Variants in P2RX6 observed in about 807,000 individuals in gnomAD.
P2RX6 encodes the protein purinergic receptor P2X 6.
In P2RX6, 62 loss-of-function variants were observed where a neutral mutation model predicts 54.2. The ratio of observed to expected loss-of-function variants is 1.14; its 90% CI spans 0.93 to 1.41. The LOEUF (loss-of-function observed/expected upper bound fraction) is 1.41. P2RX6 is among the 40% of genes most tolerant of loss of function. The pLI is 0.00. For synonymous variants in P2RX6, 211 were observed against 231.9 expected, an observed-to-expected ratio of 0.91 and a Z score of 0.82; for missense variants, 541 against 566.3, an observed-to-expected ratio of 0.96 and a Z score of 0.45.
intron 8 of P2RX6, 98 bp from the exon 9 acceptor site, chr22:21,025,707 T>G: frequency 1.2e-6 from 1 of 836,566 alleles, no homozygotes; most frequent in East Asian, 2.7e-5. Context: ...GCTGGGGGTT[T>G]ATAGAGTCAA....
At chr22:21,020,333 A>C (rs1464494166) in intron 3 of P2RX6, among the ~76,000 whole-genome samples, 1 of 152,176 alleles carries the variant, frequency 6.6e-6, no homozygotes, top group Non-Finnish European at 1.5e-5. Context: ...GAGTTCTGCC[A>C]GCTCCTCTAG....
intron 8 of P2RX6, among the ~76,000 whole-genome samples, chr22:21,025,547 C>T (rs1220009442): frequency 1.3e-5 from 2 of 152,224 alleles, no homozygotes; most frequent in Admixed American, 6.5e-5. Flanking sequence ...TGAGCCTGCC[C>T]CTTCACATCC....
chr22:21,025,921 C>T, intron 9 of P2RX6, 23 bp downstream of exon 9: 1 of 1,579,336 alleles, frequency 6.3e-7, no homozygotes, highest in Non-Finnish European at 8.6e-7. Context: ...AGGGGTCAGG[C>T]CGGGGATGGG....
Position 21,026,565 on chromosome 22 carries a change from G to A in P2RX6, c.1274G>A (p.Trp425Ter). Residue 425 changes from tryptophan (W) to a stop codon, truncating the protein, a stop_gained, in exon 12 of 12, where the codon TGG becomes TAG. Coordinates refer to ENST00000413302, the MANE Select transcript of P2RX6 (RefSeq NM_005446.5). LOFTEE classifies it high-confidence loss of function. The surrounding 1 kb of genome is among the most constrained non-coding windows in gnomAD (Gnocchi z 4.0). ...GGGAGTCAGACACAGACACCAGGATGGCCCTGTCCAAGTTCTGACACCCAC... is the reference window on the plus strand; with the variant it reads ...GGGAGTCAGACACAGACACCAGGATAGCCCTGTCCAAGTTCTGACACCCAC... ...AAGSQTQTPG[W>*]PCPSSDTHLP... The A allele has an allele frequency of 6.3e-7, 1 of 1,591,280 alleles. No homozygotes were observed. The highest frequency in any genetic ancestry group is 8.5e-7 in the Non-Finnish European group (1 of 1,169,840).
At position 21,018,215 on chromosome 22, in the gene P2RX6, A is replaced by T. The variant is rs571256650; in HGVS notation, c.387+155A>T. On this transcript the variant is annotated intron_variant, in intron 3 of 11. Transcript: ENST00000413302. ...GGGCTACATCTTTTCCTGAATCATTATGTTCAGTCTTCACATATCCCCTGC... is the reference window on the plus strand; with the variant it reads ...GGGCTACATCTTTTCCTGAATCATTTTGTTCAGTCTTCACATATCCCCTGC... 195 of 659,642 alleles carry T rather than the reference A, an allele frequency of 3.0e-4. No individual in the cohort carries two copies. In the South Asian group the frequency reaches 3.1e-3, roughly 11 times the overall value. 40.9% of individuals were successfully genotyped at this position (659,642 alleles called of 1,614,324 possible).
Position 21,026,677 on chromosome 22 carries a change from C to T in P2RX6, c.*60C>T. 6.6e-7 allele frequency: 1 copy of T among 1,523,054 alleles called. No individual in the cohort carries two copies. Among genetic ancestry groups the T allele is most frequent in the Non-Finnish European group, 8.8e-7 (1 of 1,131,236 alleles). The allele number at this position is 1,523,054 out of a possible 1,614,324, so 94.3% of individuals were successfully genotyped here. A position where few individuals can be genotyped will look rare whatever the true frequency, so the allele number is the denominator to read the frequency against. ...AGGGCGGGGCCCTGCCTGGGGATCT[C>T]AAGGATGAGGCCCCAGCATGGAGGA... On this transcript the variant is annotated 3_prime_UTR_variant, in exon 12 of 12. Coordinates refer to ENST00000413302, the MANE Select transcript of P2RX6 (RefSeq NM_005446.5). This position sits in a 1 kb window ranked among gnomAD's most constrained non-coding sequence, Gnocchi z 4.0.
chr22:21,025,502 A>G (rs1287970815), intron 8 of P2RX6, among the ~76,000 whole-genome samples: 1 of 152,128 alleles, frequency 6.6e-6, no homozygotes, highest in Non-Finnish European at 1.5e-5. Flanking sequence ...GTTCCCAGGG[A>G]AGAGTGAGTT....
In P2RX6 at chr22:21,026,133, G is replaced by A; in HGVS notation, c.1050+57G>A. 1 of 1,560,378 alleles carries A rather than the reference G, an allele frequency of 6.4e-7. No individual in the cohort carries two copies. Among genetic ancestry groups the A allele is most frequent in the Non-Finnish European group, 8.7e-7 (1 of 1,146,656 alleles). On this transcript the variant is annotated intron_variant, in intron 10 of 11. Transcript: ENST00000413302. The surrounding 1 kb of genome is among the most constrained non-coding windows in gnomAD (Gnocchi z 4.0). ...TGCAGTGAGTGCTGCTGACCAGGGT[G>A]TGTCCAATGCATGCTGGAGCCTCCG... is the stretch of plus-strand genomic sequence containing the variant.
intron 1 of P2RX6, 87 bp from the exon 2 acceptor site, chr22:21,015,855 G>C: frequency 7.3e-7 from 1 of 1,379,092 alleles, no homozygotes. Flanking sequence ...GTAGGGTGTG[G>C]GGGGAGAACT....
rs1302863918 is a variant in P2RX6, at chr22:21,025,832, G to A, written c.918G>A (p.Pro306=). ...FRTATHWWEQ[P]GVEARTLLKL... ...CAGCCACTCACTGGTGGGAGCAACCGGGTGTGGAGGCCCGCACCCTGCTCA... is the reference window on the plus strand; with the variant it reads ...CAGCCACTCACTGGTGGGAGCAACCAGGTGTGGAGGCCCGCACCCTGCTCA... Residue 306 remains proline (P), a synonymous_variant, in exon 9 of 12, where the codon CCG becomes CCA. Coordinates refer to ENST00000413302, the MANE Select transcript of P2RX6 (RefSeq NM_005446.5). 8 of 1,564,614 alleles carry A rather than the reference G, an allele frequency of 5.1e-6. No homozygotes were observed. In the South Asian group the frequency reaches 5.9e-5, roughly 12 times the overall value.
upstream of P2RX6, chr22:21,012,477 A>G: frequency 2.0e-6 from 1 of 493,788 alleles, no homozygotes; most frequent in Non-Finnish European, 3.9e-6. Flanking sequence ...CACATCCCTG[A>G]GGAAAGGGAG....
At chr22:21,019,578 T>C (rs1338230234) in intron 3 of P2RX6, among the ~76,000 whole-genome samples, 1 of 152,228 alleles carries the variant, frequency 6.6e-6, no homozygotes, top group Non-Finnish European at 1.5e-5. Context: ...CCTCTCAAAG[T>C]GCTGGGATTA....
At chr22:21,016,928 A>G (rs1007037257) in intron 2 of P2RX6, among the ~76,000 whole-genome samples, 8 of 151,898 alleles carry the variant, frequency 5.3e-5, no homozygotes, top group African/African-American at 1.9e-4. Context: ...AAGATCAATT[A>G]TTTTCCTCTC....
chr22:21,022,521 C>T (rs1159998951), intron 3 of P2RX6, among the ~76,000 whole-genome samples, 155 bp from the exon 4 acceptor site: 2 of 152,166 alleles, frequency 1.3e-5, no homozygotes, highest in Non-Finnish European at 2.9e-5. Context: ...CTGTGTGGCC[C>T]CACACTCAGG....
At position 21,026,829 on chromosome 22, in the gene P2RX6, C is replaced by G; in HGVS notation, c.*212C>G. On this transcript the variant is annotated 3_prime_UTR_variant, in exon 12 of 12. Transcript: ENST00000413302. The surrounding 1 kb of genome is among the most constrained non-coding windows in gnomAD (Gnocchi z 4.0). Reference sequence around the variant, plus strand: ...TTTGAGACGGCGACAGAACCTGACCCGTGGAGACTGGGAGAGCCCAGCAGG... The same window carrying G: ...TTTGAGACGGCGACAGAACCTGACCGGTGGAGACTGGGAGAGCCCAGCAGG... 4 of 1,025,614 alleles carry G rather than the reference C, an allele frequency of 3.9e-6. No individual in the cohort carries two copies. Among genetic ancestry groups the G allele is most frequent in the Non-Finnish European group, 4.1e-6 (3 of 728,784 alleles). 63.5% of individuals were successfully genotyped at this position (1,025,614 alleles called of 1,614,324 possible).
At position 21,023,170 on chromosome 22, in the gene P2RX6, G is replaced by A; in HGVS notation, c.610G>A (p.Val204Ile). The change falls in exon 6 of 12, where the codon GTC (valine) becomes ATC (isoleucine). Residue 204 changes from valine (V) to isoleucine (I), a missense_variant. Transcript: ENST00000413302. Reference sequence around the variant, plus strand: ...CTTCACACTGTTCATCAAAAACACAGTCACCTTCAGCAAGTTCAACTTCTC... The same window carrying A: ...CTTCACACTGTTCATCAAAAACACAATCACCTTCAGCAAGTTCAACTTCTC... Reference protein sequence around the residue: ...QNFTLFIKNTVTFSKFNFSKS... With the variant: ...QNFTLFIKNTITFSKFNFSKS... 6.2e-7 allele frequency: 1 copy of A among 1,613,922 alleles called. No individual in the cohort carries two copies. The highest frequency in any genetic ancestry group is 2.2e-5 in the East Asian group (1 of 44,862).
Position 21,027,359 on chromosome 22 carries a change from G to A in P2RX6, c.*742G>A, listed in dbSNP as rs986536071. ...CGGCAGGGCTAAGTTGGTGATCATT[G>A]GGTTCTTCAGGACCTTCTATATCCC... On this transcript the variant is annotated 3_prime_UTR_variant, in exon 12 of 12. Transcript: ENST00000413302. The A allele has an allele frequency of 6.6e-6, 1 of 152,326 alleles. No homozygotes were observed. The highest frequency in any genetic ancestry group is 1.5e-5 in the Non-Finnish European group (1 of 68,228). 9.4% of individuals were successfully genotyped at this position (152,326 alleles called of 1,614,324 possible).
intron 8 of P2RX6, among the ~76,000 whole-genome samples, chr22:21,024,732 A>C (rs1477504352): frequency 6.6e-6 from 1 of 151,020 alleles, no homozygotes; most frequent in East Asian, 2.0e-4. Flanking sequence ...CACCACACCC[A>C]ACTAATTTTT....
chr22:21,014,440 C>G (rs936173308), upstream of P2RX6: 1 of 152,286 alleles, frequency 6.6e-6, no homozygotes. Context: ...GGCTCTCCTG[C>G]GCTGAGGCTC....
Sources: gnomAD v4.1 joint callset for allele counts (sites outside exome capture counted in the v4.1 genomes callset) on GRCh38, gnomAD v4.1.1 for gene constraint, Gnocchi (gnomAD v3.1) non-coding constraint, MANE v1.5 for transcripts, NCBI Gene and HGNC (gene_info 2026-07-23, HGNC 2026-07-21) for gene names.